The following RC3H2 variants were observed in gnomAD, a reference collection of about 807,000 sequenced individuals.
RC3H2 encodes the protein ring finger and CCCH-type domains 2, also known as roquin-2.
In RC3H2, 31 loss-of-function variants were observed where a neutral mutation model predicts 133.3. That is an observed-to-expected ratio of 0.23 (90% CI 0.17 to 0.31). The LOEUF (loss-of-function observed/expected upper bound fraction) is 0.31, where lower values mean the gene tolerates loss of function less well. Ranked by LOEUF, RC3H2 falls within the 10% of genes least tolerant of loss-of-function variation. RC3H2 has a pLI of 1.00. For missense variants in RC3H2, 1,175 were observed against 1,437.2 expected, an observed-to-expected ratio of 0.82 and a Z score of 2.95; for synonymous variants, 517 against 502.2, an observed-to-expected ratio of 1.03 and a Z score of -0.40.
At chr9:122,875,676 G>A (rs972241695) in intron 9 of RC3H2, among the ~76,000 whole-genome samples, 4 of 152,322 alleles carry the variant, frequency 2.6e-5, no homozygotes, top group South Asian at 4.1e-4. Flanking sequence ...CTGAAAAAGC[G>A]AAGGATGAGC....
intron 2 of RC3H2, among the ~76,000 whole-genome samples, chr9:122,894,869 G>T (rs1832351832): frequency 6.6e-6 from 1 of 152,162 alleles, no homozygotes; most frequent in African/African-American, 2.4e-5. Flanking sequence ...GACAGTGAGA[G>T]ATTCCATCTC....
At position 122,858,015 on chromosome 9, in the gene RC3H2, G is replaced by C; in HGVS notation, c.2362C>G (p.Gln788Glu). ...KPDQWAQYHT[Q>E]KAPLVSSTLP... ...GTTGAAGAGACAAGAGGTGCTTTCT[G>C]AGTGTGGTACTGTGCCCACTGATCT... Residue 788 changes from glutamine to glutamate, a missense_variant, in exon 13 of 21, where the codon CAG (glutamine) becomes GAG (glutamate). Physicochemically the swap from Gln to Glu is conservative, Grantham distance 29. Transcript: ENST00000357244. 1 of 1,614,208 alleles carries C rather than the reference G, an allele frequency of 6.2e-7. No individual in the cohort carries two copies. Among genetic ancestry groups the C allele is most frequent in the Non-Finnish European group, 8.5e-7 (1 of 1,180,002 alleles).
intron 5 of RC3H2, 50 bp downstream of exon 5, chr9:122,883,154 G>T: frequency 6.5e-7 from 1 of 1,529,952 alleles, no homozygotes; most frequent in Non-Finnish European, 8.9e-7. Flanking sequence ...ATTTCAGGAA[G>T]TCTCTGTCTC....
chr9:122,872,247 C>T (rs1286164853), intron 9 of RC3H2, among the ~76,000 whole-genome samples: 1 of 152,152 alleles, frequency 6.6e-6, no homozygotes, highest in Non-Finnish European at 1.5e-5. Context: ...TCTTTATAGC[C>T]CACATTCAAT....
intron 9 of RC3H2, among the ~76,000 whole-genome samples, chr9:122,873,534 C>T (rs1369681743): frequency 6.6e-6 from 1 of 151,896 alleles, no homozygotes; most frequent in Non-Finnish European, 1.5e-5. Context: ...CATGGTGAAT[C>T]CCCATCTCTA....
intron 20 of RC3H2, 23 bp from the exon 21 acceptor site, chr9:122,849,845 A>T (rs199763632): frequency 6.6e-7 from 1 of 1,525,934 alleles, no homozygotes; most frequent in Non-Finnish European, 8.8e-7. Context: ...AAATGACATT[A>T]AAAACAAATT....
At chr9:122,851,602 T>C in intron 18 of RC3H2, 166 bp from the exon 19 acceptor site, 1 of 867,342 alleles carries the variant, frequency 1.2e-6, no homozygotes, top group Non-Finnish European at 1.7e-6. Context: ...CCCTGCCTGA[T>C]TCTCCTGCCT....
chr9:122,861,835 A>T (rs1320016876), intron 10 of RC3H2, among the ~76,000 whole-genome samples: 1 of 152,226 alleles, frequency 6.6e-6, no homozygotes, highest in African/African-American at 2.4e-5. Flanking sequence ...AAAATGTAAA[A>T]AATAACTAAG....
chr9:122,880,420 C>G, intron 6 of RC3H2, 174 bp downstream of exon 6: 1 of 676,772 alleles, frequency 1.5e-6, no homozygotes, highest in South Asian at 1.8e-5. Context: ...TTCCCTGTTG[C>G]ATCCCTTTAT....
chr9:122,879,133 C>T (rs780177251), intron 8 of RC3H2, among the ~76,000 whole-genome samples: 18 of 151,130 alleles, frequency 1.2e-4, no homozygotes, highest in Non-Finnish European at 1.3e-4. Flanking sequence ...CGATGGCTCA[C>T]GCCTGTAATC....
At chr9:122,876,570 G>A (rs1255958901) in intron 9 of RC3H2, among the ~76,000 whole-genome samples, 1 of 151,472 alleles carries the variant, frequency 6.6e-6, no homozygotes, top group Non-Finnish European at 1.5e-5. Context: ...AGAGGTTGCA[G>A]TGAGCCAAGA....
In RC3H2 at chr9:122,855,116, T is replaced by TAA. The variant is rs5900548; in HGVS notation, c.2815+66_2815+67dup. The TAA allele has an allele frequency of 1.3e-3, 1,225 of 943,964 alleles. 6 individuals carry two copies. The African/African-American group carries it at 0.013, about 10-fold the overall frequency. The allele number at this position is 943,964 out of a possible 1,614,324, so 58.5% of individuals were successfully genotyped here. A position where few individuals can be genotyped will look rare whatever the true frequency, so the allele number is the denominator to read the frequency against. ...CAACAGAGTGAGACTCTGTCTCAAT[T>TAA]AAAAAAAAAAAAAAAAAAGGCATAG... On this transcript the variant is annotated intron_variant, in intron 15 of 20. Transcript: ENST00000357244.
chr9:122,864,990 G>A (rs1370084774), intron 10 of RC3H2, among the ~76,000 whole-genome samples: 2 of 152,062 alleles, frequency 1.3e-5, no homozygotes, highest in African/African-American at 4.8e-5. Flanking sequence ...TAGAGGCTCA[G>A]CATTTTACCT....
In RC3H2 at chr9:122,865,355, G is replaced by T; in HGVS notation, c.1628C>A (p.Thr543Asn). ...NAAGPSADSV[T>N]ENKIGSPPKT... ...ATTTTTACCTAATACCTACTTTTCAGTTACAGAATCTGCAGAGGGCCCAGC... is the reference window on the plus strand; with the variant it reads ...ATTTTTACCTAATACCTACTTTTCATTTACAGAATCTGCAGAGGGCCCAGC... The change falls in exon 10 of 21, where the codon ACT becomes AAT. Residue 543 changes from threonine (T) to asparagine (N), a missense_variant. Thr to Asn is a moderately conservative substitution (Grantham distance 65, BLOSUM62 0). Transcript: ENST00000357244. 1 of 1,598,366 alleles carries T rather than the reference G, an allele frequency of 6.3e-7. No individual in the cohort carries two copies. The highest frequency in any genetic ancestry group is 8.6e-7 in the Non-Finnish European group (1 of 1,169,320).
At chr9:122,877,807 T>C (rs974962832) in intron 8 of RC3H2, among the ~76,000 whole-genome samples, 2 of 152,228 alleles carry the variant, frequency 1.3e-5, no homozygotes, top group African/African-American at 2.4e-5. Context: ...TATTCGAAAC[T>C]GGTTCAAATG....
intron 4 of RC3H2, among the ~76,000 whole-genome samples, chr9:122,883,818 C>CA (rs946989266): frequency 8.6e-5 from 13 of 151,484 alleles, no homozygotes; most frequent in African/African-American, 2.7e-4. Context: ...CCTGTCTCTA[C>CA]AAAAAAAATG....
chr9:122,880,300 A>G (rs762567402), intron 6 of RC3H2, 175 bp from the exon 7 acceptor site: 4 of 855,648 alleles, frequency 4.7e-6, no homozygotes, highest in Admixed American at 3.4e-5. Flanking sequence ...GAAATTCATC[A>G]TTAGACACTT....
chr9:122,902,602 T>G (rs974423200), intron 1 of RC3H2, among the ~76,000 whole-genome samples: 9 of 152,120 alleles, frequency 5.9e-5, no homozygotes, highest in Non-Finnish European at 1.2e-4. Flanking sequence ...CCCAGCACTT[T>G]GGGAGGCGGA....
At position 122,848,382 on chromosome 9, in the gene RC3H2, C is replaced by T. The variant is rs527540897; in HGVS notation, c.*1245G>A. On this transcript the variant is annotated 3_prime_UTR_variant, in exon 21 of 21. Coordinates refer to ENST00000357244, the MANE Select transcript of RC3H2 (RefSeq NM_001100588.3). ...GTTGACTGAAATTTAGGTTTCAGTACAATACCTCCCACAAATCTGATGCAT... is the reference window on the plus strand; with the variant it reads ...GTTGACTGAAATTTAGGTTTCAGTATAATACCTCCCACAAATCTGATGCAT... The T allele has an allele frequency of 2.0e-5, 3 of 152,270 alleles. No homozygotes were observed. In the East Asian group the frequency reaches 5.8e-4, roughly 29 times the overall value. The allele number at this position is 152,270 out of a possible 1,614,324, so 9.4% of individuals were successfully genotyped here. A position where few individuals can be genotyped will look rare whatever the true frequency, so the allele number is the denominator to read the frequency against.
Sources: allele counts gnomAD v4.1 joint callset (sites outside exome capture counted in the v4.1 genomes callset), GRCh38; gene constraint gnomAD v4.1.1; transcripts MANE v1.5; gene names NCBI Gene and HGNC (gene_info 2026-07-23, HGNC 2026-07-21).